The following SORBS2 variants were observed in gnomAD, a reference collection of about 807,000 sequenced individuals.
The protein encoded by SORBS2 is sorbin and SH3 domain-containing protein 2.
Under a neutral mutation model 97.7 loss-of-function variants are expected in SORBS2, and 46 were observed. That is an observed-to-expected ratio of 0.47 (90% CI 0.37 to 0.60). SORBS2 has a LOEUF of 0.60. SORBS2 is among the 20% of genes least tolerant of loss of function. The probability of loss-of-function intolerance (pLI) is 0.00; values close to 1 mark genes in which losing one functional copy is unlikely to be tolerated. For missense variants in SORBS2, 1,316 were observed against 1,282.3 expected (o/e 1.03, Z -0.40); for synonymous variants, 476 against 473.4 (o/e 1.01, Z -0.07).
chr4:185,730,618 G>A (rs1185175068), intron 2 of SORBS2, among the ~76,000 whole-genome samples: 1 of 152,202 alleles, frequency 6.6e-6, no homozygotes, highest in African/African-American at 2.4e-5. Context: ...CTCCAAGAAA[G>A]GATGCTCAGG....
intron 2 of SORBS2, among the ~76,000 whole-genome samples, chr4:185,694,702 C>CT (rs1561959911): frequency 1.2e-5 from 1 of 84,592 alleles, no homozygotes; most frequent in African/African-American, 4.0e-5. Flanking sequence ...TTTTCCTTTT[C>CT]TTTCTTTTCT....
At position 185,902,638 on chromosome 4, in the gene SORBS2, T is replaced by C. The variant is rs867384862; in HGVS notation, c.-338+53558A>G. On this transcript the variant is annotated intron_variant, in intron 1 of 20. Transcript: ENST00000284776. ...GGGCAAAAACTTACATGGGGAATTC[T>C]ATAGCCTCTGTGTGAGGAAGAGGTT... 1.3e-5 allele frequency among the ~76,000 whole-genome samples: 2 copies of C among 151,560 alleles called. 1 individual carries two copies. The highest frequency in any genetic ancestry group is 4.2e-4 in the South Asian group (2 of 4,800).
At chr4:185,862,135 A>ATG (rs143706006) in intron 1 of SORBS2, among the ~76,000 whole-genome samples, 111 of 151,512 alleles carry the variant, frequency 7.3e-4, no homozygotes, top group African/African-American at 2.1e-3. Flanking sequence ...GTGTATGTAT[A>ATG]TGTGTGTGTG....
Position 185,679,850 on chromosome 4 carries a change from T to C in SORBS2, c.-197-1028A>G, listed in dbSNP as rs142770290. ...ACAGTTATTTTCAAGTTTAAACACA[T>C]GAACTTAGAATGATAAAAATGGGCT... On this transcript the variant is annotated intron_variant, in intron 2 of 20. Transcript: ENST00000284776. Among the ~76,000 whole-genome samples, 29 of 152,352 alleles carry C rather than the reference T, an allele frequency of 1.9e-4. No homozygotes were observed. The East Asian group carries it at 5.2e-3, about 27-fold the overall frequency.
rs150033880 is a variant in SORBS2, at chr4:185,606,174, T to C, written c.2796+5606A>G. ...ATAGGACAAATTTCTGGGCATCAAC[T>C]TCCTCTTCTCTAAAGTGGGGATGAT... On this transcript the variant is annotated intron_variant, in intron 12 of 14. Coordinates refer to ENST00000418609, the Ensembl canonical transcript of SORBS2. This position sits in a 1 kb window ranked among gnomAD's most constrained non-coding sequence, Gnocchi z 4.3. The C allele has an allele frequency of 1.0e-6, 1 of 985,400 alleles. No individual in the cohort carries two copies. The highest frequency in any genetic ancestry group is 1.1e-4 in the East Asian group (1 of 8,816). 61.0% of individuals were successfully genotyped at this position (985,400 alleles called of 1,614,324 possible).
intron 13 of SORBS2, chr4:185,593,637 C>T: frequency 2.1e-6 from 1 of 475,048 alleles, no homozygotes; most frequent in South Asian, 2.8e-5. Context: ...TTAGGAATCA[C>T]TGAAGCATTG....
rs1449718805 is a variant in SORBS2, at chr4:185,623,426, G to C, written c.1703C>G (p.Ser568Cys). The change falls in exon 7 of 15, where the codon TCC (serine) becomes TGC (cysteine). Residue 568 changes from serine (S) to cysteine (C), a missense_variant. Transcript: ENST00000418609. This position sits in a 1 kb window ranked among gnomAD's most constrained non-coding sequence, Gnocchi z 6.4. Reference sequence around the variant, plus strand: ...TAACATTGTGGTAAATCGAGTGTAGGAGGCCGGGCACCTGCCTTTGCAGGA... The same window carrying C: ...TAACATTGTGGTAAATCGAGTGTAGCAGGCCGGGCACCTGCCTTTGCAGGA... 1 of 1,611,510 alleles carries C rather than the reference G, an allele frequency of 6.2e-7. No individual in the cohort carries two copies. The highest frequency in any genetic ancestry group is 8.5e-7 in the Non-Finnish European group (1 of 1,180,008).
intron 2 of SORBS2, among the ~76,000 whole-genome samples, chr4:185,705,237 A>G (rs2098326409): frequency 6.6e-6 from 1 of 152,144 alleles, no homozygotes; most frequent in South Asian, 2.1e-4. Context: ...TCCAGATTTT[A>G]TTTTCCAATC....
chr4:185,634,105 G>T (rs1165049959), intron 4 of SORBS2, among the ~76,000 whole-genome samples: 1 of 152,082 alleles, frequency 6.6e-6, no homozygotes, highest in Non-Finnish European at 1.5e-5. Flanking sequence ...GAATGTTCCT[G>T]ATTACTCTAT....
intron 1 of SORBS2, among the ~76,000 whole-genome samples, chr4:185,846,282 A>C (rs1159392625): frequency 6.6e-6 from 1 of 152,240 alleles, no homozygotes; most frequent in African/African-American, 2.4e-5. Flanking sequence ...CATGCCAGTG[A>C]AAGAAGCCAG....
chr4:185,877,883 A>AAAAAAAAAAAAAAAAAAAG (rs1344109012), intron 1 of SORBS2, among the ~76,000 whole-genome samples: 2 of 145,180 alleles, frequency 1.4e-5, no homozygotes, highest in African/African-American at 2.6e-5. Context: ...ACAAAAAAAA[A>AAAAAAAAAAAAAAAAAAAG]AAAGAAAGAA....
chr4:185,622,956 T>G, exon 7 of SORBS2: 1 of 1,613,672 alleles, frequency 6.2e-7, no homozygotes, highest in Non-Finnish European at 8.5e-7. Context: ...CAGCTGCTGT[T>G]GGCTGTGTCC....
intron 2 of SORBS2, among the ~76,000 whole-genome samples, chr4:185,763,185 T>C (rs954760594): frequency 1.3e-5 from 2 of 151,400 alleles, no homozygotes; most frequent in African/African-American, 4.9e-5. Context: ...AGAGACTCTC[T>C]CAAAAACAAA....
chr4:185,778,005 G>A (rs553817005), intron 1 of SORBS2, among the ~76,000 whole-genome samples: 4 of 152,144 alleles, frequency 2.6e-5, no homozygotes, highest in Admixed American at 6.5e-5. Flanking sequence ...TTGACCACAC[G>A]TTGAAAAAAG....
chr4:185,951,378 C>T (rs978234659), intron 1 of SORBS2, among the ~76,000 whole-genome samples: 1 of 152,188 alleles, frequency 6.6e-6, no homozygotes, highest in Non-Finnish European at 1.5e-5. Context: ...GCCTCCTAAT[C>T]CAGGGCCTTC....
intron 1 of SORBS2, among the ~76,000 whole-genome samples, chr4:185,919,636 T>C (rs902793658): frequency 2.0e-5 from 3 of 152,190 alleles, no homozygotes; most frequent in Admixed American, 6.5e-5. Context: ...ATGAGAAAAG[T>C]CAAACCCGCA....
chr4:185,693,497 G>A (rs1235452913), intron 2 of SORBS2, among the ~76,000 whole-genome samples: 2 of 152,078 alleles, frequency 1.3e-5, no homozygotes, highest in Non-Finnish European at 2.9e-5. Context: ...AAAGCCTCAG[G>A]GGATGTCTGT....
At chr4:185,711,944 G>T (rs2098424364) in intron 2 of SORBS2, among the ~76,000 whole-genome samples, 1 of 151,988 alleles carries the variant, frequency 6.6e-6, no homozygotes. Context: ...TCACCATTTT[G>T]CTTGTCCAGC....
intron 12 of SORBS2, among the ~76,000 whole-genome samples, chr4:185,596,659 C>T (rs1205690113): frequency 3.3e-5 from 5 of 151,414 alleles, no homozygotes; most frequent in Non-Finnish European, 5.9e-5. Context: ...CTCAGCCTCC[C>T]GAGTAGCTGG....
Sources: allele counts gnomAD v4.1 joint callset (sites outside exome capture counted in the v4.1 genomes callset), GRCh38; gene constraint gnomAD v4.1.1; non-coding constraint Gnocchi (gnomAD v3.1); transcripts MANE v1.5; gene names NCBI Gene and HGNC (gene_info 2026-07-23, HGNC 2026-07-21).